The following TBC1D5 variants were observed in gnomAD, a reference collection of about 807,000 sequenced individuals.
TBC1D5 encodes TBC1 domain family, member 5.
A neutral mutation model predicts 100.3 loss-of-function variants in TBC1D5; 75 were observed. That is an observed-to-expected ratio of 0.75 (90% CI 0.62 to 0.91). The LOEUF (loss-of-function observed/expected upper bound fraction) is 0.91. Ranked by LOEUF, TBC1D5 falls within the 40% of genes least tolerant of loss-of-function variation. The pLI, the probability that TBC1D5 is intolerant of heterozygous loss-of-function variation, is 0.00. For synonymous variants in TBC1D5, 323 were observed against 325.6 expected (o/e 0.99, Z 0.09); for missense variants, 910 against 942.4 (o/e 0.97, Z 0.45).
intron 1 of TBC1D5, among the ~76,000 whole-genome samples, chr3:17,648,968 C>T (rs2153712533): frequency 6.6e-6 from 1 of 152,294 alleles, no homozygotes; most frequent in African/African-American, 2.4e-5. Flanking sequence ...CCAGCAATCC[C>T]ATTACTGGGT....
chr3:17,698,446 G>A lies in TBC1D5; in HGVS notation c.-101+40897C>T, dbSNP rs1000933979. Among the ~76,000 whole-genome samples, 227 of 152,068 alleles carry A rather than the reference G, an allele frequency of 1.5e-3. 2 individuals are homozygous for A. The highest frequency in any genetic ancestry group is 0.013 in the Admixed American group (204 of 15,272). On this transcript the variant is annotated intron_variant, in intron 1 of 21. Transcript: ENST00000253692. ...ACCTAAAACCATAAAAACCCTAGAA[G>A]AAAACCTAGGCATTGCCATTCAGGA... is the stretch of plus-strand genomic sequence containing the variant.
At chr3:17,227,152 C>T (rs561794055) in intron 17 of TBC1D5, among the ~76,000 whole-genome samples, 1 of 152,160 alleles carries the variant, frequency 6.6e-6, no homozygotes, top group Admixed American at 6.5e-5. Context: ...ACTTTGTGTG[C>T]GCAAAAGGGG....
Position 17,646,231 on chromosome 3 carries a change from G to A in TBC1D5, c.-100-22318C>T, listed in dbSNP as rs2065001982. On this transcript the variant is annotated intron_variant, in intron 1 of 21. Coordinates refer to ENST00000253692, the Ensembl canonical transcript of TBC1D5. ...ATAATACATCCACAAGCCAAGGACT[G>A]CCAGCAAACAACAGTAGCTGGAAAA... Among the ~76,000 whole-genome samples, 3 of 152,208 alleles carry A rather than the reference G, an allele frequency of 2.0e-5. No homozygotes were observed. In the South Asian group the frequency reaches 6.2e-4, roughly 32 times the overall value.
At chr3:17,683,505 A>C (rs2069792464) in intron 1 of TBC1D5, among the ~76,000 whole-genome samples, 1 of 146,618 alleles carries the variant, frequency 6.8e-6, no homozygotes, top group African/African-American at 2.8e-5. Context: ...CTGTTTAAGA[A>C]AGATGACTAA....
intron 13 of TBC1D5, among the ~76,000 whole-genome samples, chr3:17,318,053 AATG>A (rs2084915703): frequency 1.3e-5 from 2 of 152,188 alleles, no homozygotes; most frequent in Admixed American, 1.3e-4. Context: ...AGCCATAAAA[AATG>A]ATGAGTTCAT....
rs200229874 is a variant in TBC1D5 at position 17,401,337 on chromosome 3, A to ATATG, written c.509+1843_509+1844insCATA. Among the ~76,000 whole-genome samples, 23 of 21,808 alleles carry ATATG rather than the reference A, an allele frequency of 1.1e-3. 1 individual carries two copies. In the African/African-American group the frequency reaches 0.013, roughly 13 times the overall value. 14.3% of individuals were successfully genotyped at this position (21,808 alleles called of 152,430 possible). A position where few individuals can be genotyped will look rare whatever the true frequency, so the allele number is the denominator to read the frequency against. Reference sequence around the variant, plus strand: ...ATATGTATGTGTATAATATACATATATGTATAATATACATATATATGTATG... The same window carrying ATATG: ...ATATGTATGTGTATAATATACATATATATGTGTATAATATACATATATATGTATG... On this transcript the variant is annotated intron_variant, in intron 8 of 21. Coordinates refer to ENST00000253692, the Ensembl canonical transcript of TBC1D5.
chr3:17,633,004 A>G (rs75578033), intron 1 of TBC1D5, among the ~76,000 whole-genome samples: 1 of 152,198 alleles, frequency 6.6e-6, no homozygotes, highest in Non-Finnish European at 1.5e-5. Flanking sequence ...TAACATAATT[A>G]ATTTCTTTTA....
intron 3 of TBC1D5, among the ~76,000 whole-genome samples, chr3:17,431,980 C>T (rs1053121465): frequency 6.6e-6 from 1 of 151,938 alleles, no homozygotes; most frequent in Non-Finnish European, 1.5e-5. Flanking sequence ...GAAGAGAGAA[C>T]CAGAGATTTT....
rs184552811 is a variant in TBC1D5 at position 17,595,336 on chromosome 3, A to G, written c.-36+28513T>C. On this transcript the variant is annotated intron_variant, in intron 2 of 21. Transcript: ENST00000253692. ...TGCCAGGATATGGGTAGTTTAATAA[A>G]AATGGAGGCCCACATTCTCTTCCCA... is the stretch of plus-strand genomic sequence containing the variant. 2.9e-3 allele frequency among the ~76,000 whole-genome samples: 449 copies of G among 152,306 alleles called. 2 individuals carry two copies. Among genetic ancestry groups the G allele is most frequent in the Non-Finnish European group, 4.7e-3 (321 of 68,042 alleles).
At chr3:17,219,872 T>C (rs1449929331) in intron 17 of TBC1D5, among the ~76,000 whole-genome samples, 1 of 152,126 alleles carries the variant, frequency 6.6e-6, no homozygotes, top group East Asian at 1.9e-4. Context: ...ATTTTGATCA[T>C]TTTTTGTCAC....
At position 17,452,167 on chromosome 3, in the gene TBC1D5, C is replaced by T. The variant is rs558825609; in HGVS notation, c.98-23648G>A. Among the ~76,000 whole-genome samples the T allele has an allele frequency of 2.4e-4, 36 of 151,070 alleles. 2 individuals carry two copies. Among genetic ancestry groups the T allele is most frequent in the Admixed American group, 9.2e-4 (14 of 15,222 alleles). ...CAAATTGAAAAACATACAATGGATACACAAAAAAATAAAAAGCAAGAACTG... is the reference window on the plus strand; with the variant it reads ...CAAATTGAAAAACATACAATGGATATACAAAAAAATAAAAAGCAAGAACTG... On this transcript the variant is annotated intron_variant, in intron 3 of 21. Coordinates refer to ENST00000253692, the Ensembl canonical transcript of TBC1D5.
In TBC1D5 at chr3:17,256,051, CA is replaced by C. The variant is rs1353758404; in HGVS notation, c.1331+2454del. Reference sequence around the variant, plus strand: ...ACTCGGTCTCAAAAAATAAAAACAACAAAAAAAATTTGAAATAAGATTAAAA... The same window carrying C: ...ACTCGGTCTCAAAAAATAAAAACAACAAAAAAATTTGAAATAAGATTAAAA... On this transcript the variant is annotated intron_variant, in intron 16 of 21. Coordinates refer to ENST00000253692, the Ensembl canonical transcript of TBC1D5. Among the ~76,000 whole-genome samples the C allele has an allele frequency of 3.3e-5, 5 of 151,826 alleles. No homozygotes were observed. In the East Asian group the frequency reaches 9.6e-4, roughly 29 times the overall value.
chr3:17,417,496 T>C (rs1420840998), intron 4 of TBC1D5, among the ~76,000 whole-genome samples: 2 of 152,100 alleles, frequency 1.3e-5, no homozygotes, highest in Non-Finnish European at 2.9e-5. Flanking sequence ...GCCAATTTCA[T>C]CCATGTCCCT....
intron 4 of TBC1D5, among the ~76,000 whole-genome samples, chr3:17,423,252 C>T (rs1409794062): frequency 6.6e-6 from 1 of 151,890 alleles, no homozygotes; most frequent in Non-Finnish European, 1.5e-5. Flanking sequence ...AATAAAAGCT[C>T]TTTTCAAATA....
intron 2 of TBC1D5, among the ~76,000 whole-genome samples, chr3:17,526,819 T>C (rs1323805592): frequency 6.6e-6 from 1 of 152,172 alleles, no homozygotes; most frequent in African/African-American, 2.4e-5. Flanking sequence ...GCACCTACAG[T>C]TGAAAATGAT....
chr3:17,742,581 A>G (rs2077569687), upstream of TBC1D5: 1 of 152,346 alleles, frequency 6.6e-6, no homozygotes, highest in Non-Finnish European at 1.5e-5. Context: ...CGCTCGCGGA[A>G]GCGGCCGGGC....
chr3:17,403,889 T>C (rs961734879), intron 7 of TBC1D5, among the ~76,000 whole-genome samples: 5 of 152,116 alleles, frequency 3.3e-5, no homozygotes, highest in Admixed American at 6.6e-5. Context: ...AGAAAGGTGC[T>C]TGGATTACAG....
At position 17,715,784 on chromosome 3, in the gene TBC1D5, A is replaced by G. The variant is rs1371838272; in HGVS notation, c.-101+23559T>C. Among the ~76,000 whole-genome samples the G allele has an allele frequency of 3.3e-5, 5 of 152,096 alleles. No individual in the cohort carries two copies. In the East Asian group the frequency reaches 9.7e-4, roughly 29 times the overall value. On this transcript the variant is annotated intron_variant, in intron 1 of 21. Transcript: ENST00000253692. The stretch of plus-strand genomic sequence containing the variant: ...ACCACTGCACTCTACCCTGGAAGAG[A>G]GAGCAAGACTATGTCTCTTAAAAAA...
In TBC1D5 at chr3:17,678,957, A is replaced by G. The variant is rs778868039; in HGVS notation, c.-100-55044T>C. Among the ~76,000 whole-genome samples, 66 of 151,384 alleles carry G rather than the reference A, an allele frequency of 4.4e-4. 2 individuals are homozygous for G. The highest frequency in any genetic ancestry group is 8.8e-4 in the Non-Finnish European group (60 of 68,006). On this transcript the variant is annotated intron_variant, in intron 1 of 21. Transcript: ENST00000253692. ...AATGTTGTGAAATGAAGCCTTTAAT[A>G]TCTAAAATAAAATTATCTACAATCT...
Sources: allele counts gnomAD v4.1 joint callset (sites outside exome capture counted in the v4.1 genomes callset), GRCh38; gene constraint gnomAD v4.1.1; transcripts MANE v1.5; gene names NCBI Gene and HGNC (gene_info 2026-07-23, HGNC 2026-07-21).